ADAMTSL1: variants seen among roughly 807,000 people sequenced by gnomAD.
ADAMTSL1 encodes ADAMTS-like protein 1.
Under a neutral mutation model 201.8 loss-of-function variants are expected in ADAMTSL1, and 126 were observed. The ratio of observed to expected loss-of-function variants is 0.62; its 90% CI spans 0.54 to 0.72. The LOEUF is 0.72. Ranked by LOEUF, ADAMTSL1 falls within the 30% of genes least tolerant of loss-of-function variation. ADAMTSL1 has a pLI of 0.00. For synonymous variants in ADAMTSL1, 1,121 were observed against 903.4 expected, an observed-to-expected ratio of 1.24 and a Z score of -4.32; for missense variants, 2,679 against 2,277.8, an observed-to-expected ratio of 1.18 and a Z score of -3.59.
chr9:18,681,990 G>A, intron 12 of ADAMTSL1, 31 bp downstream of exon 12: 1 of 1,611,366 alleles, frequency 6.2e-7, no homozygotes, highest in Non-Finnish European at 8.5e-7. Flanking sequence ...TTACCAGCCT[G>A]TTAATTGTTG....
chr9:18,191,247 C>T (rs996038203), intron 2 of ADAMTSL1, among the ~76,000 whole-genome samples: 1 of 152,114 alleles, frequency 6.6e-6, no homozygotes, highest in Middle Eastern at 3.2e-3. Flanking sequence ...TGACCTTCCC[C>T]TGTTCCTATG....
Position 18,853,548 on chromosome 9 carries a change from T to TA in ADAMTSL1, c.4249+23572dup, listed in dbSNP as rs1191276422. ...CTGGTAATCATTTACATCTTCACCT[T>TA]AGGAGAATTCAGGCTCCTCTCATCC... is the stretch of plus-strand genomic sequence containing the variant. On this transcript the variant is annotated intron_variant, in intron 23 of 28. Transcript: ENST00000380548. 3.9e-5 allele frequency among the ~76,000 whole-genome samples: 6 copies of TA among 152,216 alleles called. No individual in the cohort carries two copies. The East Asian group carries it at 9.6e-4, about 24-fold the overall frequency.
chr9:17,931,458 G>A, intron 1 of ADAMTSL1, among the ~76,000 whole-genome samples: 1 of 152,134 alleles, frequency 6.6e-6, no homozygotes, highest in Non-Finnish European at 1.5e-5. Context: ...ATTTGGAAAA[G>A]TTGGGAGGAG....
intron 1 of ADAMTSL1, among the ~76,000 whole-genome samples, chr9:18,019,932 T>A (rs1820412147): frequency 6.6e-6 from 1 of 152,082 alleles, no homozygotes. Flanking sequence ...AGTTCCCTGG[T>A]TAGATGTTAG....
At chr9:17,974,758 A>G (rs1053148669) in intron 1 of ADAMTSL1, among the ~76,000 whole-genome samples, 1 of 152,038 alleles carries the variant, frequency 6.6e-6, no homozygotes, top group Non-Finnish European at 1.5e-5. Flanking sequence ...TGTGTATATC[A>G]TATTTTACTA....
At chr9:18,901,374 G>A (rs1830008675) in intron 26 of ADAMTSL1, among the ~76,000 whole-genome samples, 1 of 151,764 alleles carries the variant, frequency 6.6e-6, no homozygotes. Flanking sequence ...TCCAATAAAG[G>A]TAAATAGACG....
chr9:18,300,230 G>A (rs1833651141), intron 2 of ADAMTSL1, among the ~76,000 whole-genome samples: 1 of 152,172 alleles, frequency 6.6e-6, no homozygotes, highest in South Asian at 2.1e-4. Context: ...ATCAATGATA[G>A]ACTGGATTAA....
chr9:18,810,994 G>C (rs1823463250), intron 20 of ADAMTSL1, among the ~76,000 whole-genome samples: 1 of 97,422 alleles, frequency 1.0e-5, no homozygotes, highest in Non-Finnish European at 1.9e-5. Context: ...CTGGCTACTG[G>C]TAAACACCAA....
intron 1 of ADAMTSL1, among the ~76,000 whole-genome samples, chr9:18,087,153 A>T (rs1823803151): frequency 6.6e-6 from 1 of 152,058 alleles, no homozygotes; most frequent in Non-Finnish European, 1.5e-5. Flanking sequence ...CTCATTTATC[A>T]CACATTGTAG....
chr9:17,997,999 C>T (rs1247332113), intron 1 of ADAMTSL1, among the ~76,000 whole-genome samples: 1 of 151,974 alleles, frequency 6.6e-6, no homozygotes, highest in Non-Finnish European at 1.5e-5. Context: ...AAGCAGTATT[C>T]TCCATTAATA....
intron 2 of ADAMTSL1, among the ~76,000 whole-genome samples, chr9:18,514,954 C>A (rs984285990): frequency 6.6e-6 from 1 of 152,082 alleles, no homozygotes; most frequent in African/African-American, 2.4e-5. Flanking sequence ...TCCTTCTATG[C>A]CTAGTTTGAG....
At chr9:17,978,785 T>A (rs1231050521) in intron 1 of ADAMTSL1, among the ~76,000 whole-genome samples, 1 of 152,130 alleles carries the variant, frequency 6.6e-6, no homozygotes, top group Non-Finnish European at 1.5e-5. Context: ...TTTACCATCA[T>A]ATATTTTCTT....
chr9:18,093,321 A>G (rs986945937), intron 1 of ADAMTSL1, among the ~76,000 whole-genome samples: 6 of 152,164 alleles, frequency 3.9e-5, no homozygotes, highest in Admixed American at 3.9e-4. Flanking sequence ...TATCTCATTC[A>G]GTTAGCTCTT....
chr9:18,390,781 C>T lies in ADAMTSL1; in HGVS notation c.208-114048C>T, dbSNP rs555365669. 2.8e-4 allele frequency among the ~76,000 whole-genome samples: 43 copies of T among 151,690 alleles called. No homozygotes were observed. In the South Asian group the frequency reaches 8.5e-3, roughly 30 times the overall value. On this transcript the variant is annotated intron_variant, in intron 2 of 29. Transcript: ENST00000680146. ...ACCCATTCTAGCATACAGATAAATA[C>T]AAAAATACAAAAAAACAAAACAAAA...
At chr9:18,842,210 T>C (rs535576745) in intron 23 of ADAMTSL1, among the ~76,000 whole-genome samples, 2 of 152,340 alleles carry the variant, frequency 1.3e-5, no homozygotes, top group South Asian at 4.2e-4. Context: ...CTGCTTTGAA[T>C]GTGTTCAAGA....
chr9:18,099,710 T>C (rs1316630415), intron 1 of ADAMTSL1, among the ~76,000 whole-genome samples: 1 of 149,474 alleles, frequency 6.7e-6, no homozygotes, highest in East Asian at 2.0e-4. Context: ...CAATCTTGGC[T>C]CACTGCAAGC....
chr9:18,406,115 A>C (rs748752242), intron 2 of ADAMTSL1, among the ~76,000 whole-genome samples: 1 of 152,238 alleles, frequency 6.6e-6, no homozygotes, highest in South Asian at 2.1e-4. Flanking sequence ...CTCCAAACAC[A>C]TCTTCTCTTC....
chr9:18,031,383 C>CT lies in ADAMTSL1; in HGVS notation c.87+124468dup, dbSNP rs371936841. On this transcript the variant is annotated intron_variant, in intron 1 of 29. Coordinates refer to the ADAMTSL1 transcript ENST00000680146. Reference sequence around the variant, plus strand: ...TGGTGTGTTGTGTATAGTTGATTGGCTTTTTTTCTGGCTGCTTTCAGAGTG... The same window carrying CT: ...TGGTGTGTTGTGTATAGTTGATTGGCTTTTTTTTCTGGCTGCTTTCAGAGTG... Among the ~76,000 whole-genome samples the CT allele has an allele frequency of 3.3e-5, 5 of 152,084 alleles. No individual in the cohort carries two copies. In the East Asian group the frequency reaches 5.8e-4, roughly 18 times the overall value.
chr9:18,635,804 A>G, intron 5 of ADAMTSL1, 139 bp from the exon 6 acceptor site: 1 of 635,752 alleles, frequency 1.6e-6, no homozygotes, highest in Non-Finnish European at 2.7e-6. Flanking sequence ...GTTGATTTCT[A>G]AATATTGGCC....
Sources: allele counts gnomAD v4.1 joint callset (sites outside exome capture counted in the v4.1 genomes callset), GRCh38; gene constraint gnomAD v4.1.1; transcripts MANE v1.5; gene names NCBI Gene and HGNC (gene_info 2026-07-23, HGNC 2026-07-21).